Variants in BLNK observed in about 807,000 individuals in gnomAD.
The protein encoded by BLNK is B-cell linker protein.
In BLNK, 29 loss-of-function variants were observed where a neutral mutation model predicts 73.5. That is an observed-to-expected ratio of 0.39 (90% confidence interval 0.29 to 0.54). BLNK has a LOEUF of 0.54. Ranked by LOEUF, BLNK falls within the 20% of genes least tolerant of loss-of-function variation. The pLI, the probability that BLNK is intolerant of heterozygous loss-of-function variation, is 0.61. For missense variants in BLNK, 460 were observed against 562.8 expected (o/e 0.82, Z 1.85); for synonymous variants, 176 against 200.8 (o/e 0.88, Z 1.04).
At chr10:96,223,082 G>A (rs12777955) in intron 6 of BLNK, among the ~76,000 whole-genome samples, 1 of 152,264 alleles carries the variant, frequency 6.6e-6, no homozygotes, top group East Asian at 1.9e-4. Flanking sequence ...TCAAGCATGC[G>A]CATTAAGAGG....
chr10:96,215,182 C>T, intron 8 of BLNK, 139 bp downstream of exon 8: 1 of 932,018 alleles, frequency 1.1e-6, no homozygotes, highest in South Asian at 1.4e-5. Context: ...TGCCACCAGA[C>T]AGTGCATGAG....
intron 2 of BLNK, 45 bp downstream of exon 2, chr10:96,246,939 T>C: frequency 7.1e-7 from 1 of 1,409,616 alleles, no homozygotes; most frequent in Non-Finnish European, 9.9e-7. Flanking sequence ...TAGCACATGT[T>C]GACTTATTTT....
chr10:96,209,278 G>T (rs1413147683), intron 9 of BLNK, among the ~76,000 whole-genome samples: 1 of 152,212 alleles, frequency 6.6e-6, no homozygotes, highest in Admixed American at 6.5e-5. Flanking sequence ...TGATTCAGGT[G>T]CTGGAGCTTC....
chr10:96,253,823 G>A (rs1396996393), intron 1 of BLNK, among the ~76,000 whole-genome samples: 1 of 151,872 alleles, frequency 6.6e-6, no homozygotes, highest in Non-Finnish European at 1.5e-5. Context: ...AGACCATCTT[G>A]GCTAACACGG....
intron 1 of BLNK, among the ~76,000 whole-genome samples, chr10:96,256,589 A>G (rs1843522476): frequency 6.6e-6 from 1 of 152,062 alleles, no homozygotes; most frequent in African/African-American, 2.4e-5. Context: ...ACAATAAGAA[A>G]AAGAAAAAGG....
chr10:96,200,922 C>A lies in BLNK; in HGVS notation c.1011+60G>T. 6.9e-7 allele frequency: 1 copy of A among 1,439,418 alleles called. No homozygotes were observed. The allele number at this position is 1,439,418 out of a possible 1,614,324, so 89.2% of individuals were successfully genotyped here. A position where few individuals can be genotyped will look rare whatever the true frequency, so the allele number is the denominator to read the frequency against. On this transcript the variant is annotated intron_variant, in intron 14 of 16. Coordinates refer to ENST00000224337, the MANE Select transcript of BLNK (RefSeq NM_013314.4). This position sits in a 1 kb window ranked among gnomAD's most constrained non-coding sequence, Gnocchi z 4.3. ...CTCCAAATGTCTTCTTCTCAGAAGA[C>A]ATGCTCTTTCCTGCAGTTTCCTGGT...
intron 6 of BLNK, 124 bp from the exon 7 acceptor site, chr10:96,216,858 G>A (rs1463501047): frequency 1.2e-6 from 1 of 822,602 alleles, no homozygotes; most frequent in East Asian, 2.6e-5. Context: ...ATTCTACTAT[G>A]TAAATTGTAC....
At chr10:96,258,299 C>G (rs1327016673) in intron 1 of BLNK, among the ~76,000 whole-genome samples, 1 of 152,118 alleles carries the variant, frequency 6.6e-6, no homozygotes, top group Non-Finnish European at 1.5e-5. Flanking sequence ...GAGTTAGTGG[C>G]CTTCTCCTCC....
At chr10:96,239,670 A>G (rs182441126) in intron 3 of BLNK, among the ~76,000 whole-genome samples, 175 of 152,328 alleles carry the variant, frequency 1.1e-3, no homozygotes, top group South Asian at 2.1e-3. Context: ...GAGCAAATCA[A>G]TGAGATTTGG....
At chr10:96,217,584 T>C (rs1211870214) in intron 6 of BLNK, among the ~76,000 whole-genome samples, 1 of 152,216 alleles carries the variant, frequency 6.6e-6, no homozygotes, top group Admixed American at 6.5e-5. Context: ...TTTTATATAC[T>C]TATTGTCAAT....
chr10:96,230,905 A>G, intron 3 of BLNK, 71 bp from the exon 4 acceptor site: 3 of 1,514,648 alleles, frequency 2.0e-6, no homozygotes, highest in Non-Finnish European at 2.7e-6. Flanking sequence ...CCATCCACAC[A>G]CATTTCGCAC....
chr10:96,230,766 C>T lies in BLNK; in HGVS notation c.204+28G>A, dbSNP rs372301598. 5.6e-6 allele frequency: 9 copies of T among 1,601,952 alleles called. No homozygotes were observed. The South Asian group carries it at 5.7e-5, about 10-fold the overall frequency. ...AAGGCCTCCCATGGGACCCTGATGCCCTCCTGGTCCCAGGAGCAAATACTT... is the reference window on the plus strand; with the variant it reads ...AAGGCCTCCCATGGGACCCTGATGCTCTCCTGGTCCCAGGAGCAAATACTT... On this transcript the variant is annotated intron_variant, in intron 4 of 16. Transcript: ENST00000224337.
At chr10:96,270,098 A>G (rs1292167030) in intron 1 of BLNK, among the ~76,000 whole-genome samples, 1 of 152,178 alleles carries the variant, frequency 6.6e-6, no homozygotes, top group Non-Finnish European at 1.5e-5. Context: ...GGCAAGAATG[A>G]GGTGCCTTCT....
chr10:96,239,290 CTGCAGGAG>C, intron 3 of BLNK: 1 of 396,722 alleles, frequency 2.5e-6, no homozygotes, highest in East Asian at 3.6e-5. Context: ...ATCTGTGTTT[CTGCAGGAG>C]TGCAGAATAA....
chr10:96,248,588 T>A (rs1300527833), intron 1 of BLNK, among the ~76,000 whole-genome samples: 1 of 142,492 alleles, frequency 7.0e-6, no homozygotes, highest in East Asian at 1.9e-4. Flanking sequence ...TAAGAATTTG[T>A]CTTATGAAAA....
At chr10:96,210,994 C>T (rs1057184294) in intron 8 of BLNK, among the ~76,000 whole-genome samples, 2 of 151,002 alleles carry the variant, frequency 1.3e-5, no homozygotes, top group Admixed American at 6.6e-5. Context: ...CTAAGTAGCT[C>T]CTGAGTAGCT....
chr10:96,236,171 C>T (rs781936432), intron 3 of BLNK, among the ~76,000 whole-genome samples: 1 of 152,124 alleles, frequency 6.6e-6, no homozygotes, highest in Admixed American at 6.6e-5. Flanking sequence ...GGTGGCATCA[C>T]AGCATGTCTG....
intron 5 of BLNK, among the ~76,000 whole-genome samples, chr10:96,226,238 G>T (rs1831836317): frequency 6.6e-6 from 1 of 152,196 alleles, no homozygotes; most frequent in African/African-American, 2.4e-5. Context: ...GAAGATCTCT[G>T]GGAGTATGTG....
At chr10:96,211,463 G>T (rs1591312127) in intron 8 of BLNK, among the ~76,000 whole-genome samples, 1 of 152,024 alleles carries the variant, frequency 6.6e-6, no homozygotes, top group Non-Finnish European at 1.5e-5. Flanking sequence ...AAAAGAAAAG[G>T]CCTCAAAAAG....
Sources: gnomAD v4.1 joint callset for allele counts (sites outside exome capture counted in the v4.1 genomes callset) on GRCh38, gnomAD v4.1.1 for gene constraint, Gnocchi (gnomAD v3.1) non-coding constraint, MANE v1.5 for transcripts, NCBI Gene and HGNC (gene_info 2026-07-23, HGNC 2026-07-21) for gene names.